Variants in DCC observed in about 807,000 individuals in gnomAD.
The protein encoded by DCC is netrin receptor DCC.
A neutral mutation model predicts 172.5 loss-of-function variants in DCC; 58 were observed. The observed-to-expected ratio is 0.34, with a 90% CI of 0.27 to 0.42. DCC has a LOEUF of 0.42. Among genes scored for constraint, DCC ranks in the 10% least tolerant of loss-of-function variants. The probability of loss-of-function intolerance (pLI) is 1.00; values close to 1 mark genes in which losing one functional copy is unlikely to be tolerated. For missense variants in DCC, 1,740 were observed against 1,791.0 expected, an observed-to-expected ratio of 0.97 and a Z score of 0.51; for synonymous variants, 709 against 644.5, an observed-to-expected ratio of 1.10 and a Z score of -1.52.
chr18:52,515,329 T>C (rs1037772986), intron 1 of DCC, among the ~76,000 whole-genome samples: 1 of 151,874 alleles, frequency 6.6e-6, no homozygotes, highest in East Asian at 1.9e-4. Flanking sequence ...CATAGACGGC[T>C]GGGTGTGGTG....
chr18:53,501,775 G>A (rs952612912), intron 27 of DCC, among the ~76,000 whole-genome samples: 2 of 152,146 alleles, frequency 1.3e-5, no homozygotes, highest in Admixed American at 6.5e-5. Flanking sequence ...TGGGACACAA[G>A]ATTTGGAAGT....
chr18:53,200,934 G>C (rs971209708), intron 9 of DCC, among the ~76,000 whole-genome samples: 11 of 152,018 alleles, frequency 7.2e-5, no homozygotes, highest in African/African-American at 2.7e-4. Flanking sequence ...TGAGTGATAT[G>C]GGCACACCTC....
At chr18:53,529,212 C>T (rs2046498349) in intron 28 of DCC, among the ~76,000 whole-genome samples, 1 of 152,130 alleles carries the variant, frequency 6.6e-6, no homozygotes, top group Non-Finnish European at 1.5e-5. Flanking sequence ...GAAGCTCATA[C>T]ATTAATACCA....
intron 7 of DCC, among the ~76,000 whole-genome samples, chr18:53,100,566 G>C (rs1292989450): frequency 6.6e-6 from 1 of 151,720 alleles, no homozygotes; most frequent in Non-Finnish European, 1.5e-5. Flanking sequence ...AAAGGGAGTA[G>C]AGTCAGAGAA....
At chr18:52,930,446 C>T (rs2040291119) in intron 5 of DCC, among the ~76,000 whole-genome samples, 1 of 152,114 alleles carries the variant, frequency 6.6e-6, no homozygotes, top group Admixed American at 6.6e-5. Context: ...AAAAACAACC[C>T]ACTAAGTTAA....
chr18:53,425,283 C>T (rs981572854), intron 21 of DCC, among the ~76,000 whole-genome samples: 28 of 151,002 alleles, frequency 1.9e-4, no homozygotes, highest in African/African-American at 6.8e-4. Context: ...TACCTAAACT[C>T]TCACTCTTAC....
In DCC at chr18:52,389,557, T is replaced by C. The variant is rs559337166; in HGVS notation, c.91+48679T>C. On this transcript the variant is annotated intron_variant, in intron 1 of 28. Transcript: ENST00000442544. ...GTGATGAGATTGAGAAATTCTGAAT[T>C]ATTGTAATACTTTATATGGTAACAT... Among the ~76,000 whole-genome samples the C allele has an allele frequency of 9.9e-5, 15 of 152,226 alleles. No homozygotes were observed. In the South Asian group the frequency reaches 2.3e-3, roughly 23 times the overall value.
chr18:52,390,737 G>A (rs1328347370), intron 1 of DCC, among the ~76,000 whole-genome samples: 2 of 152,008 alleles, frequency 1.3e-5, no homozygotes, highest in East Asian at 3.9e-4. Flanking sequence ...ACAGTTTTGT[G>A]GCCAAGCATC....
At chr18:53,128,870 CATAT>C (rs367907467) in intron 7 of DCC, among the ~76,000 whole-genome samples, 2,128 of 77,072 alleles carry the variant, frequency 0.028, 23 homozygotes, top group African/African-American at 0.065. Context: ...CACACACACA[CATAT>C]ATATATATAT....
At chr18:53,023,813 A>G (rs191980189) in intron 5 of DCC, among the ~76,000 whole-genome samples, 7 of 152,274 alleles carry the variant, frequency 4.6e-5, no homozygotes, top group Admixed American at 4.6e-4. Flanking sequence ...GTGTGGATTG[A>G]TTTGACAGCT....
chr18:53,045,987 A>C (rs2042232706), intron 5 of DCC, among the ~76,000 whole-genome samples: 1 of 151,848 alleles, frequency 6.6e-6, no homozygotes, highest in South Asian at 2.1e-4. Context: ...TCCGTTTCAC[A>C]CATACAAATG....
intron 24 of DCC, among the ~76,000 whole-genome samples, chr18:53,466,268 A>C (rs1010430551): frequency 6.6e-6 from 1 of 152,012 alleles, no homozygotes; most frequent in Non-Finnish European, 1.5e-5. Flanking sequence ...TCTCCTAGGA[A>C]ACTTTTTTAG....
chr18:52,510,194 G>T (rs1430127709), intron 1 of DCC, among the ~76,000 whole-genome samples: 2 of 151,748 alleles, frequency 1.3e-5, no homozygotes, highest in Admixed American at 6.6e-5. Flanking sequence ...ATTCAGCTTA[G>T]CTTGTCTTGT....
At chr18:52,813,643 C>T (rs2038239518) in intron 2 of DCC, among the ~76,000 whole-genome samples, 1 of 152,170 alleles carries the variant, frequency 6.6e-6, no homozygotes, top group Non-Finnish European at 1.5e-5. Flanking sequence ...AGACATCATT[C>T]TTGGTATATC....
At chr18:52,805,422 A>G (rs2038067583) in intron 2 of DCC, among the ~76,000 whole-genome samples, 1 of 152,178 alleles carries the variant, frequency 6.6e-6, no homozygotes, top group African/African-American at 2.4e-5. Context: ...GTCTAGATAA[A>G]AAAAATTATA....
intron 5 of DCC, among the ~76,000 whole-genome samples, chr18:53,024,464 T>A (rs982563203): frequency 6.6e-6 from 1 of 152,158 alleles, no homozygotes; most frequent in African/African-American, 2.4e-5. Context: ...CTGAACAGTA[T>A]TCAAATGCTT....
intron 1 of DCC, among the ~76,000 whole-genome samples, chr18:52,342,027 T>G (rs1422518688): frequency 1.3e-5 from 2 of 152,104 alleles, no homozygotes; most frequent in Non-Finnish European, 2.9e-5. Context: ...GCCCCCAGCC[T>G]CCCCGGAGTC....
intron 9 of DCC, among the ~76,000 whole-genome samples, chr18:53,180,072 G>A (rs1437637292): frequency 1.3e-5 from 2 of 152,160 alleles, no homozygotes; most frequent in East Asian, 1.9e-4. Flanking sequence ...AGGTGAAGTA[G>A]AGATTGGAAA....
intron 2 of DCC, among the ~76,000 whole-genome samples, chr18:52,800,389 A>G (rs2037961842): frequency 6.6e-6 from 1 of 152,262 alleles, no homozygotes; most frequent in African/African-American, 2.4e-5. Context: ...TTTTACAACA[A>G]GAAATACTGG....
Sources: gnomAD v4.1 joint callset for allele counts (sites outside exome capture counted in the v4.1 genomes callset) on GRCh38, gnomAD v4.1.1 for gene constraint, MANE v1.5 for transcripts, NCBI Gene and HGNC (gene_info 2026-07-23, HGNC 2026-07-21) for gene names.